Variants in GLIS3 observed in about 807,000 individuals in gnomAD.
GLIS3 encodes GLIS family zinc finger 3.
A neutral mutation model predicts 78.6 loss-of-function variants in GLIS3; 53 were observed. The ratio of observed to expected loss-of-function variants is 0.67; its 90% CI spans 0.54 to 0.85. GLIS3 has a LOEUF of 0.85. Among genes scored for constraint, GLIS3 ranks in the 40% least tolerant of loss-of-function variants. GLIS3 has a pLI of 0.00. For missense variants in GLIS3, 1,703 were observed against 1,231.1 expected (o/e 1.38, Z -5.74); for synonymous variants, 684 against 509.9 (o/e 1.34, Z -4.60).
the GLIS3 span, among the ~76,000 whole-genome samples, chr9:4,461,968 T>C: frequency 6.6e-6 from 1 of 152,192 alleles, no homozygotes; most frequent in Non-Finnish European, 1.5e-5. Context: ...AATATAAATA[T>C]TATAATAATT....
intron 6 of GLIS3, among the ~76,000 whole-genome samples, chr9:3,927,350 G>A (rs779076949): frequency 1.3e-4 from 20 of 152,134 alleles, no homozygotes; most frequent in East Asian, 3.9e-4. Flanking sequence ...TTTGAGCAAC[G>A]CCTAATGTTA....
rs533043238 is a variant in GLIS3, at chr9:4,238,758, T to C, written c.388+47280A>G. Among the ~76,000 whole-genome samples the C allele has an allele frequency of 2.6e-5, 4 of 152,272 alleles. No homozygotes were observed. The South Asian group carries it at 8.3e-4, about 32-fold the overall frequency. ...CCCACTTGACATCTTTCTTCCAGAGTTGGCTTTAATTAAATCCTTCAGCAC... is the reference window on the plus strand; with the variant it reads ...CCCACTTGACATCTTTCTTCCAGAGCTGGCTTTAATTAAATCCTTCAGCAC... On this transcript the variant is annotated intron_variant, in intron 2 of 10. Transcript: ENST00000381971.
chr9:4,334,068 C>T (rs1817720613), intron 2 of GLIS3, among the ~76,000 whole-genome samples: 1 of 152,062 alleles, frequency 6.6e-6, no homozygotes, highest in Admixed American at 6.5e-5. Context: ...TCTCATAATT[C>T]AGAGGGCTTG....
At chr9:4,245,599 AT>A (rs936265552) in intron 2 of GLIS3, among the ~76,000 whole-genome samples, 9 of 152,330 alleles carry the variant, frequency 5.9e-5, no homozygotes, top group African/African-American at 2.2e-4. Flanking sequence ...GTAAAGAACA[AT>A]GGAAACAAAC....
chr9:4,155,888 G>C (rs1321964759), intron 2 of GLIS3, among the ~76,000 whole-genome samples: 1 of 152,130 alleles, frequency 6.6e-6, no homozygotes, highest in African/African-American at 2.4e-5. Context: ...TCTGCTGTGG[G>C]AACCACTGCT....
intron 2 of GLIS3, among the ~76,000 whole-genome samples, chr9:4,229,524 G>C (rs891318008): frequency 2.6e-5 from 4 of 152,200 alleles, no homozygotes; most frequent in Non-Finnish European, 5.9e-5. Context: ...CTCCTGCACA[G>C]TGTTATCCTT....
chr9:4,414,237 G>C, the GLIS3 span, among the ~76,000 whole-genome samples: 1 of 152,158 alleles, frequency 6.6e-6, no homozygotes, highest in South Asian at 2.1e-4. Flanking sequence ...AGCAGGGAAG[G>C]ACAGATTTTA....
In GLIS3 at chr9:4,263,298, G is replaced by A. The variant is rs538295512; in HGVS notation, c.388+22740C>T. On this transcript the variant is annotated intron_variant, in intron 2 of 10. Transcript: ENST00000381971. ...TGGGTGAGATCACGTTTTTAAAAAC[G>A]ACTTCACTCTACAGTATAATGTAGA... Among the ~76,000 whole-genome samples the A allele has an allele frequency of 4.6e-5, 7 of 152,236 alleles. No homozygotes were observed. In the East Asian group the frequency reaches 7.7e-4, roughly 17 times the overall value.
intron 4 of GLIS3, among the ~76,000 whole-genome samples, chr9:4,090,307 G>A (rs1264708325): frequency 6.6e-6 from 1 of 152,066 alleles, no homozygotes; most frequent in Non-Finnish European, 1.5e-5. Context: ...ATATATATTT[G>A]ATTTGAGTTT....
intron 7 of GLIS3, among the ~76,000 whole-genome samples, chr9:3,879,906 C>T (rs1821614569): frequency 6.6e-6 from 1 of 152,018 alleles, no homozygotes; most frequent in African/African-American, 2.4e-5. Flanking sequence ...TGCATCTGTG[C>T]CAAGGTCTCT....
intron 9 of GLIS3, among the ~76,000 whole-genome samples, chr9:3,853,757 C>T (rs1202918459): frequency 6.6e-6 from 1 of 152,218 alleles, no homozygotes; most frequent in Non-Finnish European, 1.5e-5. Context: ...AAGAAGAAAT[C>T]ACCCATTATC....
intron 4 of GLIS3, among the ~76,000 whole-genome samples, chr9:4,014,778 CA>C (rs1381652291): frequency 6.6e-6 from 1 of 152,190 alleles, no homozygotes; most frequent in Non-Finnish European, 1.5e-5. Context: ...CCAATGCCTT[CA>C]AAGTGCAGAT....
rs1335930082 is a variant in GLIS3, at chr9:3,856,023, C to A, written c.2459G>T (p.Gly820Val). Residue 820 changes from glycine (G) to valine (V), a missense_variant, in exon 9 of 11, where the codon GGT (glycine) becomes GTT (valine). Physicochemically the swap from Gly to Val is moderately radical, Grantham distance 109. Coordinates refer to ENST00000381971, the MANE Select transcript of GLIS3 (RefSeq NM_001042413.2). ...PETNSSFQPN[G>V]IHVHGFYGQL... is the part of the protein sequence containing the mutation. ...TTCTTGCTTACCATGGACATGGATA[C>A]CATTTGGTTGAAAAGAAGAGTTTGT... is the stretch of plus-strand genomic sequence containing the variant. The A allele has an allele frequency of 1.2e-6, 2 of 1,614,022 alleles. No individual in the cohort carries two copies. Among genetic ancestry groups the A allele is most frequent in the African/African-American group, 1.3e-5 (1 of 74,920 alleles).
intron 4 of GLIS3, among the ~76,000 whole-genome samples, chr9:3,942,796 T>G (rs1376713972): frequency 6.6e-6 from 1 of 152,196 alleles, no homozygotes; most frequent in Non-Finnish European, 1.5e-5. Context: ...TTGGAGCTTA[T>G]ACTTTGAGCA....
At chr9:3,922,775 G>A (rs960221424) in intron 6 of GLIS3, among the ~76,000 whole-genome samples, 4 of 152,130 alleles carry the variant, frequency 2.6e-5, no homozygotes, top group Admixed American at 6.5e-5. Context: ...CCAAAAAAAT[G>A]GAGAAAGAGA....
chr9:4,426,337 G>C, the GLIS3 span, among the ~76,000 whole-genome samples: 9 of 152,102 alleles, frequency 5.9e-5, no homozygotes, highest in Non-Finnish European at 1.3e-4. Flanking sequence ...TGCTCCAAAG[G>C]TCTTCATCTG....
At chr9:4,136,260 G>A (rs1281962441) in intron 2 of GLIS3, among the ~76,000 whole-genome samples, 1 of 152,318 alleles carries the variant, frequency 6.6e-6, no homozygotes, top group Non-Finnish European at 1.5e-5. Context: ...TAAGCATGAA[G>A]CTAAATCATA....
In GLIS3 at chr9:4,281,791, G is replaced by A. The variant is rs181207583; in HGVS notation, c.388+4247C>T. Among the ~76,000 whole-genome samples, 273 of 152,264 alleles carry A rather than the reference G, an allele frequency of 1.8e-3. 1 individual carries two copies. The highest frequency in any genetic ancestry group is 6.1e-3 in the African/African-American group (254 of 41,546). ...CTCAAAGATATGATGTCACCAAAAG[G>A]AACATAGTGCAACTTACTGTTAAAA... On this transcript the variant is annotated intron_variant, in intron 2 of 10. Coordinates refer to ENST00000381971, the MANE Select transcript of GLIS3 (RefSeq NM_001042413.2).
chr9:4,027,213 C>A (rs1331433076), intron 4 of GLIS3, among the ~76,000 whole-genome samples: 2 of 152,222 alleles, frequency 1.3e-5, no homozygotes, highest in African/African-American at 4.8e-5. Context: ...ATTTATTTAA[C>A]TGAACAACGC....
Sources: gnomAD v4.1 joint callset for allele counts (sites outside exome capture counted in the v4.1 genomes callset) on GRCh38, gnomAD v4.1.1 for gene constraint, MANE v1.5 for transcripts, NCBI Gene and HGNC (gene_info 2026-07-23, HGNC 2026-07-21) for gene names.